CAMKMT: variants seen among roughly 807,000 people sequenced by gnomAD.
CAMKMT encodes CaM KMT.
In CAMKMT, 53 loss-of-function variants were observed where a neutral mutation model predicts 48.0. That is an observed-to-expected ratio of 1.10 (90% confidence interval 0.89 to 1.39). The LOEUF is 1.39. Ranked by LOEUF, CAMKMT falls within the 40% of genes most tolerant of loss-of-function variation. The probability of loss-of-function intolerance (pLI) is 0.00; values close to 1 mark genes in which losing one functional copy is unlikely to be tolerated. For missense variants in CAMKMT, 428 were observed against 402.7 expected (o/e 1.06, Z -0.54); for synonymous variants, 165 against 152.3 (o/e 1.08, Z -0.61).
chr2:44,558,668 A>G (rs192824343), intron 3 of CAMKMT, among the ~76,000 whole-genome samples: 169 of 152,272 alleles, frequency 1.1e-3, no homozygotes, highest in Non-Finnish European at 2.9e-4. Context: ...ATCCTAAGCA[A>G]ATTAATGCCA....
intron 3 of CAMKMT, among the ~76,000 whole-genome samples, chr2:44,460,418 TGA>T (rs539384451): frequency 6.6e-6 from 1 of 152,216 alleles, no homozygotes; most frequent in Non-Finnish European, 1.5e-5. Flanking sequence ...TAAAAAATTG[TGA>T]GTCTTTTTAG....
intron 3 of CAMKMT, among the ~76,000 whole-genome samples, chr2:44,662,069 C>A (rs1281628655): frequency 1.3e-5 from 2 of 152,130 alleles, no homozygotes; most frequent in East Asian, 3.8e-4. Context: ...GGTTTTTTCC[C>A]AACTTAATCA....
At chr2:44,739,081 T>C (rs569002526) in intron 7 of CAMKMT, among the ~76,000 whole-genome samples, 5 of 152,130 alleles carry the variant, frequency 3.3e-5, no homozygotes, top group Non-Finnish European at 5.9e-5. Context: ...GGCCCAATTG[T>C]GTAAGGGTTT....
intron 3 of CAMKMT, among the ~76,000 whole-genome samples, chr2:44,442,329 T>C (rs992980132): frequency 4.6e-5 from 7 of 152,208 alleles, no homozygotes; most frequent in Non-Finnish European, 7.3e-5. Flanking sequence ...TACACACATA[T>C]ATAAAGCAAA....
At chr2:44,399,962 C>T (rs886694187) in intron 3 of CAMKMT, among the ~76,000 whole-genome samples, 1 of 152,110 alleles carries the variant, frequency 6.6e-6, no homozygotes, top group Non-Finnish European at 1.5e-5. Context: ...GTTTAGAAGA[C>T]AAGGAAAGAG....
At chr2:44,526,913 C>T (rs72881111) in intron 3 of CAMKMT, among the ~76,000 whole-genome samples, 274 of 152,022 alleles carry the variant, frequency 1.8e-3, no homozygotes, top group African/African-American at 5.0e-3. Context: ...CAATTAATCC[C>T]TTTAGGGTGT....
chr2:44,737,862 T>C (rs1406997089), intron 7 of CAMKMT, among the ~76,000 whole-genome samples: 1 of 139,112 alleles, frequency 7.2e-6, no homozygotes, highest in Admixed American at 7.0e-5. Context: ...TTTTTTTCTT[T>C]TTTTTTTTTT....
chr2:44,434,546 G>A (rs1333985904), intron 3 of CAMKMT, among the ~76,000 whole-genome samples: 3 of 152,100 alleles, frequency 2.0e-5, no homozygotes, highest in African/African-American at 7.2e-5. Flanking sequence ...TTGTCCTACT[G>A]TATGGTAATT....
chr2:44,475,977 G>A (rs933590571), intron 3 of CAMKMT, among the ~76,000 whole-genome samples: 3 of 151,986 alleles, frequency 2.0e-5, no homozygotes, highest in Non-Finnish European at 4.4e-5. Flanking sequence ...TATAATGTAT[G>A]GTACCATAAA....
At position 44,647,466 on chromosome 2, in the gene CAMKMT, G is replaced by A. The variant is rs1200485083; in HGVS notation, c.377-56817G>A. The stretch of plus-strand genomic sequence containing the variant: ...GATGTGATTGGTCACTGATCATGAT[G>A]CGCATGTGTTATTTACATAGCAATT... On this transcript the variant is annotated intron_variant, in intron 3 of 10. Transcript: ENST00000378494. Among the ~76,000 whole-genome samples the A allele has an allele frequency of 2.6e-5, 4 of 152,252 alleles. 1 individual carries two copies. Among genetic ancestry groups the A allele is most frequent in the South Asian group, 4.2e-4 (2 of 4,814 alleles).
chr2:44,436,651 G>A (rs575364251), intron 3 of CAMKMT, among the ~76,000 whole-genome samples: 1 of 151,874 alleles, frequency 6.6e-6, no homozygotes, highest in Non-Finnish European at 1.5e-5. Flanking sequence ...CTGAGGGCCA[G>A]ATTTGACCAA....
At chr2:44,459,086 A>G (rs976591256) in intron 3 of CAMKMT, among the ~76,000 whole-genome samples, 2 of 152,040 alleles carry the variant, frequency 1.3e-5, no homozygotes, top group Non-Finnish European at 2.9e-5. Flanking sequence ...CTACCTCTGT[A>G]GACATTTCTA....
intron 3 of CAMKMT, among the ~76,000 whole-genome samples, chr2:44,394,292 G>A (rs926688319): frequency 6.6e-6 from 1 of 151,996 alleles, no homozygotes; most frequent in South Asian, 2.1e-4. Context: ...TTTTTTCTTG[G>A]TTGAGCTCCA....
At chr2:44,460,152 T>C (rs1667775067) in intron 3 of CAMKMT, among the ~76,000 whole-genome samples, 1 of 152,210 alleles carries the variant, frequency 6.6e-6, no homozygotes, top group South Asian at 2.1e-4. Context: ...GATTCTGCTT[T>C]AATTTGCATA....
intron 1 of CAMKMT, among the ~76,000 whole-genome samples, chr2:44,367,292 G>T (rs2104340343): frequency 6.6e-6 from 1 of 152,186 alleles, no homozygotes; most frequent in East Asian, 1.9e-4. Context: ...AAAAATTAAA[G>T]ATCTTAAATG....
At chr2:44,594,284 C>T (rs942473701) in intron 3 of CAMKMT, among the ~76,000 whole-genome samples, 6 of 152,176 alleles carry the variant, frequency 3.9e-5, no homozygotes, top group African/African-American at 1.4e-4. Context: ...CTACCATTGA[C>T]TTTCTTCACA....
At chr2:44,362,197 C>G in intron 1 of CAMKMT, 52 bp downstream of exon 1, 1 of 1,379,150 alleles carries the variant, frequency 7.3e-7, no homozygotes, top group Non-Finnish European at 9.4e-7. Flanking sequence ...TCCTCTCTCA[C>G]GTACCGGGGG....
intron 3 of CAMKMT, among the ~76,000 whole-genome samples, chr2:44,452,491 C>T (rs113685066): frequency 4.6e-5 from 7 of 152,024 alleles, no homozygotes; most frequent in African/African-American, 1.7e-4. Flanking sequence ...TGTGGGCTCC[C>T]CACCTACCTC....
intron 3 of CAMKMT, among the ~76,000 whole-genome samples, chr2:44,676,340 A>G (rs957241218): frequency 1.3e-5 from 2 of 152,142 alleles, no homozygotes; most frequent in African/African-American, 4.8e-5. Flanking sequence ...CCATATTTCC[A>G]GTAGATCCAA....
Sources: allele counts gnomAD v4.1 joint callset (sites outside exome capture counted in the v4.1 genomes callset), GRCh38; gene constraint gnomAD v4.1.1; transcripts MANE v1.5; gene names NCBI Gene and HGNC (gene_info 2026-07-23, HGNC 2026-07-21).